The following DCAF17 variants were observed in gnomAD, a reference collection of about 807,000 sequenced individuals.
DCAF17 encodes the protein DDB1 and CUL4 associated factor 17, also known as DDB1- and CUL4-associated factor 17.
Under a neutral mutation model 66.0 loss-of-function variants are expected in DCAF17, and 48 were observed. That is an observed-to-expected ratio of 0.73 (90% CI 0.58 to 0.92). The LOEUF (loss-of-function observed/expected upper bound fraction) is 0.92, where lower values mean the gene tolerates loss of function less well. Among genes scored for constraint, DCAF17 ranks in the 40% least tolerant of loss-of-function variants. The pLI, the probability that DCAF17 is intolerant of heterozygous loss-of-function variation, is 0.00. For synonymous variants in DCAF17, 206 were observed against 214.6 expected (o/e 0.96, Z 0.35); for missense variants, 562 against 622.8 (o/e 0.90, Z 1.04).
rs1696742592 is a variant in DCAF17 at position 171,481,454 on chromosome 2, G to A, written c.*340G>A. On this transcript the variant is annotated 3_prime_UTR_variant, in exon 14 of 14. Coordinates refer to ENST00000375255, the MANE Select transcript of DCAF17 (RefSeq NM_025000.4). ...CATTGATGGGGTGGGTCATTGATGAGTTCTTAAAGGATGGTATGGAATTTT... is the reference window on the plus strand; with the variant it reads ...CATTGATGGGGTGGGTCATTGATGAATTCTTAAAGGATGGTATGGAATTTT... The A allele has an allele frequency of 4.3e-6, 2 of 463,406 alleles. No individual in the cohort carries two copies. Among genetic ancestry groups the A allele is most frequent in the Non-Finnish European group, 8.6e-6 (2 of 233,394 alleles). 28.7% of individuals were successfully genotyped at this position (463,406 alleles called of 1,614,324 possible). A position where few individuals can be genotyped will look rare whatever the true frequency, so the allele number is the denominator to read the frequency against.
chr2:171,449,720 T>G (rs1437357846), intron 4 of DCAF17, among the ~76,000 whole-genome samples, 159 bp from the exon 5 acceptor site: 1 of 152,178 alleles, frequency 6.6e-6, no homozygotes, highest in Admixed American at 6.5e-5. Context: ...TATGGGGATA[T>G]AGAGGAAATT....
Position 171,484,202 on chromosome 2 carries a change from T to C in DCAF17, c.*3088T>C, listed in dbSNP as rs544901449. On this transcript the variant is annotated 3_prime_UTR_variant, in exon 14 of 14. Coordinates refer to ENST00000375255, the MANE Select transcript of DCAF17 (RefSeq NM_025000.4). ...AATCATTTTTATATTTTCTTCTCCT[T>C]CTTACCATGTTTACTTATATCATCC... 2.2e-5 allele frequency: 10 copies of C among 449,940 alleles called. No individual in the cohort carries two copies. Among genetic ancestry groups the C allele is most frequent in the Non-Finnish European group, 4.4e-5 (10 of 226,062 alleles). The allele number at this position is 449,940 out of a possible 1,614,324, so 27.9% of individuals were successfully genotyped here. A position where few individuals can be genotyped will look rare whatever the true frequency, so the allele number is the denominator to read the frequency against.
chr2:171,449,070 G>A (rs898768443), intron 4 of DCAF17, among the ~76,000 whole-genome samples: 1 of 151,616 alleles, frequency 6.6e-6, no homozygotes, highest in Admixed American at 6.6e-5. Flanking sequence ...GTGCAGTGGC[G>A]TGATCTCTGC....
At chr2:171,443,881 T>C (rs922255045) in intron 3 of DCAF17, among the ~76,000 whole-genome samples, 2 of 152,192 alleles carry the variant, frequency 1.3e-5, no homozygotes, top group Non-Finnish European at 2.9e-5. Flanking sequence ...TTAAAAGTTA[T>C]ATAAGCAGCA....
Position 171,484,039 on chromosome 2 carries a change from G to T in DCAF17, c.*2925G>T. The T allele has an allele frequency of 2.2e-6, 1 of 453,574 alleles. No individual in the cohort carries two copies. The allele number at this position is 453,574 out of a possible 1,614,324, so 28.1% of individuals were successfully genotyped here. A position where few individuals can be genotyped will look rare whatever the true frequency, so the allele number is the denominator to read the frequency against. ...AGTGTCTAAATTTTGAACAAATTTG[G>T]GTAAGATACAAGTCACACATAAATT... On this transcript the variant is annotated 3_prime_UTR_variant, in exon 14 of 14. Coordinates refer to ENST00000375255, the MANE Select transcript of DCAF17 (RefSeq NM_025000.4).
At chr2:171,445,982 C>T (rs1416196818) in intron 3 of DCAF17, among the ~76,000 whole-genome samples, 2 of 152,004 alleles carry the variant, frequency 1.3e-5, no homozygotes, top group African/African-American at 4.8e-5. Flanking sequence ...CACGCTCAGC[C>T]AAAAACTTTT....
rs992202409 is a variant in DCAF17 at position 171,483,688 on chromosome 2, A to G, written c.*2574A>G. 6.6e-6 allele frequency: 3 copies of G among 453,888 alleles called. No homozygotes were observed. The highest frequency in any genetic ancestry group is 1.3e-5 in the Non-Finnish European group (3 of 226,794). The allele number at this position is 453,888 out of a possible 1,614,324, so 28.1% of individuals were successfully genotyped here. A position where few individuals can be genotyped will look rare whatever the true frequency, so the allele number is the denominator to read the frequency against. On this transcript the variant is annotated 3_prime_UTR_variant, in exon 14 of 14. Coordinates refer to ENST00000375255, the MANE Select transcript of DCAF17 (RefSeq NM_025000.4). ...TATATTTATTGAGCACTTTCTATCT[A>G]CTAGTCACTGTGATACAGTATAAGT...
At position 171,474,057 on chromosome 2, in the gene DCAF17, A is replaced by G; in HGVS notation, c.1091+82A>G. 5.3e-6 allele frequency: 6 copies of G among 1,131,510 alleles called. No homozygotes were observed. The South Asian group carries it at 7.8e-5, about 15-fold the overall frequency. 70.1% of individuals were successfully genotyped at this position (1,131,510 alleles called of 1,614,324 possible). A position where few individuals can be genotyped will look rare whatever the true frequency, so the allele number is the denominator to read the frequency against. On this transcript the variant is annotated intron_variant, in intron 10 of 13. Transcript: ENST00000375255. ...GCATCTTTATTTTTGCCAGCGAACTAGTGAGCCAATTAATGGAAATAATTA... is the reference window on the plus strand; with the variant it reads ...GCATCTTTATTTTTGCCAGCGAACTGGTGAGCCAATTAATGGAAATAATTA...
At chr2:171,459,193 A>G (rs976369609) in intron 8 of DCAF17, among the ~76,000 whole-genome samples, 1 of 151,974 alleles carries the variant, frequency 6.6e-6, no homozygotes, top group African/African-American at 2.4e-5. Flanking sequence ...CTGTAATCCC[A>G]CCTACTCGCA....
intron 2 of DCAF17, among the ~76,000 whole-genome samples, chr2:171,437,415 T>C (rs550441690): frequency 7.9e-4 from 121 of 152,236 alleles, no homozygotes; most frequent in Non-Finnish European, 1.5e-3. Flanking sequence ...TTTGGATTTA[T>C]TTCCGGACGT....
intron 6 of DCAF17, among the ~76,000 whole-genome samples, chr2:171,454,490 TAGCC>T (rs1695134250): frequency 6.6e-6 from 1 of 152,004 alleles, no homozygotes; most frequent in African/African-American, 2.4e-5. Flanking sequence ...TTCACTGTGT[TAGCC>T]AGGATGGTCT....
At chr2:171,435,331 C>G in intron 2 of DCAF17, 145 bp downstream of exon 2, 1 of 685,230 alleles carries the variant, frequency 1.5e-6, no homozygotes, top group Non-Finnish European at 2.6e-6. Flanking sequence ...GTAAAAAATG[C>G]ATGTAATTTT....
At chr2:171,475,301 G>C (rs1696445685) in intron 10 of DCAF17, among the ~76,000 whole-genome samples, 2 of 152,086 alleles carry the variant, frequency 1.3e-5, no homozygotes, top group South Asian at 4.1e-4. Context: ...GTCTTCCTTT[G>C]TAGCACTTAG....
intron 5 of DCAF17, among the ~76,000 whole-genome samples, chr2:171,451,418 T>C (rs187024317): frequency 1.6e-4 from 25 of 152,266 alleles, no homozygotes; most frequent in African/African-American, 5.8e-4. Flanking sequence ...ACTTCTCTCT[T>C]TATACTCTTA....
chr2:171,475,274 A>G (rs563600482), intron 10 of DCAF17, among the ~76,000 whole-genome samples: 7 of 152,192 alleles, frequency 4.6e-5, no homozygotes, highest in African/African-American at 1.4e-4. Flanking sequence ...TCATATTTTC[A>G]TTGCACCCAC....
At chr2:171,461,245 G>C (rs971933656) in intron 8 of DCAF17, among the ~76,000 whole-genome samples, 1 of 152,096 alleles carries the variant, frequency 6.6e-6, no homozygotes, top group African/African-American at 2.4e-5. Flanking sequence ...AGGAGTGCAA[G>C]ACCAGCCTGG....
chr2:171,478,129 A>C (rs1559292869), intron 12 of DCAF17, 59 bp downstream of exon 12: 2 of 1,427,900 alleles, frequency 1.4e-6, no homozygotes, highest in Non-Finnish European at 2.0e-6. Context: ...TGTGAATTTC[A>C]TATTAATACT....
intron 9 of DCAF17, 64 bp downstream of exon 9, chr2:171,469,094 A>C: frequency 3.2e-6 from 5 of 1,551,988 alleles, no homozygotes; most frequent in Non-Finnish European, 4.4e-6. Flanking sequence ...TCTACCTCTC[A>C]AATAGGCCCA....
chr2:171,479,687 C>T, intron 12 of DCAF17: 1 of 311,334 alleles, frequency 3.2e-6, no homozygotes, highest in Non-Finnish European at 6.1e-6. Context: ...TAGTCCTGTC[C>T]AGGAATCAGC....
Sources: allele counts gnomAD v4.1 joint callset (sites outside exome capture counted in the v4.1 genomes callset), GRCh38; gene constraint gnomAD v4.1.1; transcripts MANE v1.5; gene names NCBI Gene and HGNC (gene_info 2026-07-23, HGNC 2026-07-21).